The following GRB14 variants were observed in gnomAD, a reference collection of about 807,000 sequenced individuals.
GRB14 encodes growth factor receptor bound protein 14.
GRB14 carries 38 observed loss-of-function variants against 69.1 expected under a neutral mutation model. That is an observed-to-expected ratio of 0.55 (90% CI 0.42 to 0.72). The LOEUF (loss-of-function observed/expected upper bound fraction) is 0.72. Ranked by LOEUF, GRB14 falls within the 30% of genes least tolerant of loss-of-function variation. The pLI, the probability that GRB14 is intolerant of heterozygous loss-of-function variation, is 0.00. For missense variants in GRB14, 666 were observed against 666.1 expected, an observed-to-expected ratio of 1.00 and a Z score of 0.00; for synonymous variants, 247 against 241.3, an observed-to-expected ratio of 1.02 and a Z score of -0.22.
At chr2:164,507,081 T>C (rs1053539220) in intron 8 of GRB14, among the ~76,000 whole-genome samples, 4 of 152,200 alleles carry the variant, frequency 2.6e-5, no homozygotes, top group Non-Finnish European at 5.9e-5. Flanking sequence ...TGATTAATTT[T>C]ATATTTTGTG....
intron 4 of GRB14, among the ~76,000 whole-genome samples, chr2:164,525,740 A>G (rs2105287125): frequency 6.6e-6 from 1 of 152,114 alleles, no homozygotes; most frequent in East Asian, 1.9e-4. Context: ...ATTCTACTAT[A>G]TTTCCTCTAG....
At chr2:164,538,809 C>T (rs1028653607) in intron 3 of GRB14, among the ~76,000 whole-genome samples, 1 of 152,160 alleles carries the variant, frequency 6.6e-6, no homozygotes, top group East Asian at 1.9e-4. Context: ...TAGCATGATT[C>T]TCTCTCGCTC....
chr2:164,596,604 T>C (rs971357862), intron 2 of GRB14, among the ~76,000 whole-genome samples: 5 of 152,214 alleles, frequency 3.3e-5, no homozygotes, highest in African/African-American at 1.2e-4. Context: ...GAGGAATTAC[T>C]TAAAGTACAT....
intron 3 of GRB14, among the ~76,000 whole-genome samples, chr2:164,537,777 T>C (rs994446482): frequency 2.0e-5 from 3 of 152,194 alleles, no homozygotes; most frequent in African/African-American, 7.2e-5. Flanking sequence ...ATTTCCGGTC[T>C]GTGCGTGCCA....
intron 2 of GRB14, 141 bp downstream of exon 2, chr2:164,619,546 A>C: frequency 1.7e-6 from 1 of 595,242 alleles, no homozygotes; most frequent in Non-Finnish European, 2.9e-6. Context: ...AATAATGCCA[A>C]AGGACCATGT....
chr2:164,561,058 C>G (rs563723713), intron 2 of GRB14, among the ~76,000 whole-genome samples: 1 of 152,016 alleles, frequency 6.6e-6, no homozygotes, highest in African/African-American at 2.4e-5. Flanking sequence ...CCCTACAGAC[C>G]GCCCCAAGCA....
At chr2:164,543,256 G>A (rs975641099) in intron 3 of GRB14, among the ~76,000 whole-genome samples, 2 of 151,348 alleles carry the variant, frequency 1.3e-5, no homozygotes, top group Non-Finnish European at 2.9e-5. Flanking sequence ...AGCTAAGATC[G>A]CGCCACTGCA....
intron 2 of GRB14, among the ~76,000 whole-genome samples, chr2:164,576,928 A>G (rs1450123999): frequency 9.9e-5 from 15 of 152,134 alleles, no homozygotes. Context: ...GGAAAAAGGG[A>G]GAAGGTACCA....
At chr2:164,582,421 ATTAT>A (rs1559061070) in intron 2 of GRB14, among the ~76,000 whole-genome samples, 3 of 89,252 alleles carry the variant, frequency 3.4e-5, no homozygotes, top group African/African-American at 1.6e-4. Context: ...TTATTTATTT[ATTAT>A]TTTTTTTTTT....
chr2:164,599,968 A>C (rs1216486203), intron 2 of GRB14, among the ~76,000 whole-genome samples: 1 of 152,230 alleles, frequency 6.6e-6, no homozygotes, highest in Non-Finnish European at 1.5e-5. Context: ...TACATGTCTA[A>C]ATTATTAACT....
intron 2 of GRB14, among the ~76,000 whole-genome samples, chr2:164,590,460 C>A (rs1286116661): frequency 2.0e-5 from 3 of 152,126 alleles, no homozygotes; most frequent in African/African-American, 7.2e-5. Context: ...AACATACTTA[C>A]GTGGATGTAT....
chr2:164,605,535 C>T (rs1390071273), intron 2 of GRB14, among the ~76,000 whole-genome samples: 1 of 152,138 alleles, frequency 6.6e-6, no homozygotes, highest in Non-Finnish European at 1.5e-5. Context: ...ACAAGAAGTT[C>T]TAGGACAAAA....
At chr2:164,516,670 G>T (rs935313123) in intron 6 of GRB14, among the ~76,000 whole-genome samples, 2 of 152,002 alleles carry the variant, frequency 1.3e-5, no homozygotes, top group Non-Finnish European at 2.9e-5. Flanking sequence ...GAAAAAATTC[G>T]CCACTACCAA....
At chr2:164,509,890 A>G (rs765730510) in intron 6 of GRB14, among the ~76,000 whole-genome samples, 2 of 151,868 alleles carry the variant, frequency 1.3e-5, no homozygotes, top group Non-Finnish European at 2.9e-5. Context: ...TTTCATTGTC[A>G]TTTACCGGTG....
intron 2 of GRB14, among the ~76,000 whole-genome samples, chr2:164,597,167 G>A (rs1251726790): frequency 6.6e-6 from 1 of 152,030 alleles, no homozygotes; most frequent in Middle Eastern, 3.2e-3. Context: ...GAAAAATAAA[G>A]CTAAAAGAGA....
At chr2:164,559,494 T>G (rs2105320833) in intron 2 of GRB14, among the ~76,000 whole-genome samples, 1 of 152,274 alleles carries the variant, frequency 6.6e-6, no homozygotes, top group East Asian at 1.9e-4. Flanking sequence ...CTTATGCCTT[T>G]GCATCTTCAT....
At chr2:164,620,518 G>GA (rs35214416) in intron 1 of GRB14, among the ~76,000 whole-genome samples, 114,828 of 151,070 alleles carry the variant, frequency 0.76, 44,078 homozygotes, top group Admixed American at 0.82. Context: ...TGAAAATCAG[G>GA]AAAAAAAAAG....
In GRB14 at chr2:164,522,012, C is replaced by G; in HGVS notation, c.784G>C (p.Gly262Arg). 1 of 1,603,244 alleles carries G rather than the reference C, an allele frequency of 6.2e-7. No homozygotes were observed. The highest frequency in any genetic ancestry group is 8.5e-7 in the Non-Finnish European group (1 of 1,172,368). ...GTTCCTTTAGTAGAAAAATATAAAC[C>G]AGATCTTCTTAGAAAAAAGTAAATT... is the stretch of plus-strand genomic sequence containing the variant. The part of the protein sequence containing the change: ...KKIYFFLRRS[G>R]LYFSTKGTSK... The change falls in exon 6 of 14, where the codon GGT becomes CGT. Residue 262 changes from glycine (G) to arginine (R), a missense_variant. Coordinates refer to ENST00000263915, the MANE Select transcript of GRB14 (RefSeq NM_004490.3).
intron 2 of GRB14, among the ~76,000 whole-genome samples, chr2:164,560,807 G>A (rs1209683144): frequency 6.6e-6 from 1 of 152,082 alleles, no homozygotes; most frequent in Non-Finnish European, 1.5e-5. Flanking sequence ...AAATATGCAT[G>A]TCTGATTAGG....
Sources: allele counts gnomAD v4.1 joint callset (sites outside exome capture counted in the v4.1 genomes callset), GRCh38; gene constraint gnomAD v4.1.1; transcripts MANE v1.5; gene names NCBI Gene and HGNC (gene_info 2026-07-23, HGNC 2026-07-21).